Variants in PUS7 observed in about 807,000 individuals in gnomAD.
PUS7 encodes the protein pseudouridine synthase 7.
A neutral mutation model predicts 79.8 loss-of-function variants in PUS7; 48 were observed. The ratio of observed to expected loss-of-function variants is 0.60; its 90% CI spans 0.48 to 0.76. PUS7 has a LOEUF of 0.76. PUS7 is among the 30% of genes least tolerant of loss of function. The pLI is 0.00. For synonymous variants in PUS7, 286 were observed against 272.2 expected (o/e 1.05, Z -0.50); for missense variants, 729 against 797.6 (o/e 0.91, Z 1.04).
intron 1 of PUS7, among the ~76,000 whole-genome samples, chr7:105,509,146 T>C (rs1467015517): frequency 2.6e-5 from 3 of 116,272 alleles, no homozygotes; most frequent in Admixed American, 1.3e-4. Flanking sequence ...ATCGAGCCAC[T>C]GCACTCCAGC....
At chr7:105,468,284 G>A in intron 12 of PUS7, 53 bp downstream of exon 12, 1 of 1,583,906 alleles carries the variant, frequency 6.3e-7, no homozygotes, top group Non-Finnish European at 8.6e-7. Context: ...GCCACTAGTG[G>A]CAACTAACTG....
chr7:105,467,308 T>C (rs1199461941), intron 12 of PUS7, among the ~76,000 whole-genome samples: 1 of 151,096 alleles, frequency 6.6e-6, no homozygotes, highest in African/African-American at 2.4e-5. Flanking sequence ...TTTTTTTTTT[T>C]TGAGACAGTC....
intron 13 of PUS7, among the ~76,000 whole-genome samples, chr7:105,463,727 T>C (rs779235121): frequency 1.3e-5 from 2 of 152,140 alleles, no homozygotes; most frequent in Non-Finnish European, 2.9e-5. Context: ...CTTCTACTCA[T>C]TCAGTAACTA....
intron 5 of PUS7, among the ~76,000 whole-genome samples, chr7:105,499,014 C>T (rs751783075): frequency 2.0e-5 from 3 of 152,144 alleles, no homozygotes; most frequent in Admixed American, 6.5e-5. Flanking sequence ...TAATTATGTT[C>T]GCTTCTTCTC....
intron 7 of PUS7, among the ~76,000 whole-genome samples, chr7:105,483,548 A>G (rs992986412): frequency 6.6e-6 from 1 of 150,890 alleles, no homozygotes; most frequent in African/African-American, 2.4e-5. Flanking sequence ...ATCCACCCAC[A>G]TTGGCCTCGC....
At chr7:105,459,937 A>G (rs1034161862) in intron 14 of PUS7, among the ~76,000 whole-genome samples, 1 of 151,810 alleles carries the variant, frequency 6.6e-6, no homozygotes, top group Admixed American at 6.6e-5. Context: ...AAAATGTACA[A>G]CTGACAAATC....
intron 4 of PUS7, among the ~76,000 whole-genome samples, chr7:105,503,385 T>C (rs1825331616): frequency 6.6e-6 from 1 of 152,354 alleles, no homozygotes; most frequent in Non-Finnish European, 1.5e-5. Flanking sequence ...AATTATATTC[T>C]GAATTATTTT....
rs542399934 is a variant in PUS7, at chr7:105,456,572, A to G, written c.*1218T>C. 1.3e-5 allele frequency: 2 copies of G among 152,258 alleles called. No homozygotes were observed. Among genetic ancestry groups the G allele is most frequent in the South Asian group, 2.1e-4 (1 of 4,822 alleles). 9.4% of individuals were successfully genotyped at this position (152,258 alleles called of 1,614,324 possible). A position where few individuals can be genotyped will look rare whatever the true frequency, so the allele number is the denominator to read the frequency against. On this transcript the variant is annotated 3_prime_UTR_variant, in exon 16 of 16. Coordinates refer to ENST00000469408, the MANE Select transcript of PUS7 (RefSeq NM_019042.5). ...TAGAAAGGAGATTTTAAAAATATTT[A>G]TTACATTTGTTTCTAGAAATCATAG...
At chr7:105,501,589 C>T (rs532852197) in intron 5 of PUS7, among the ~76,000 whole-genome samples, 3 of 152,160 alleles carry the variant, frequency 2.0e-5, no homozygotes, top group African/African-American at 7.2e-5. Context: ...TTATGTGTGA[C>T]TGAAGAAGAT....
At chr7:105,514,685 G>A (rs1453006187) in intron 1 of PUS7, among the ~76,000 whole-genome samples, 1 of 152,190 alleles carries the variant, frequency 6.6e-6, no homozygotes, top group African/African-American at 2.4e-5. Context: ...TAAGCCTTGA[G>A]AGAGATGTGA....
chr7:105,494,208 A>C (rs569199380), intron 6 of PUS7, among the ~76,000 whole-genome samples: 1 of 152,228 alleles, frequency 6.6e-6, no homozygotes, highest in Non-Finnish European at 1.5e-5. Context: ...GTTAATTTTT[A>C]TTTTCAACCA....
At chr7:105,504,651 AT>A (rs1825385038) in intron 4 of PUS7, among the ~76,000 whole-genome samples, 1 of 152,176 alleles carries the variant, frequency 6.6e-6, no homozygotes, top group African/African-American at 2.4e-5. Context: ...ACAATAGTAA[AT>A]TTTACCACAT....
At chr7:105,469,752 G>A (rs575091906) in intron 11 of PUS7, among the ~76,000 whole-genome samples, 7 of 152,246 alleles carry the variant, frequency 4.6e-5, no homozygotes, top group Middle Eastern at 3.4e-3. Flanking sequence ...GAGCCACTGC[G>A]CGGGCCTGTT....
chr7:105,464,019 G>A (rs983263543), intron 13 of PUS7, among the ~76,000 whole-genome samples: 1 of 152,136 alleles, frequency 6.6e-6, no homozygotes, highest in Non-Finnish European at 1.5e-5. Context: ...GCACTGTCGG[G>A]TACCAGGTAT....
intron 7 of PUS7, among the ~76,000 whole-genome samples, chr7:105,483,978 T>C (rs550138404): frequency 3.9e-5 from 6 of 152,332 alleles, no homozygotes; most frequent in African/African-American, 1.2e-4. Flanking sequence ...TGTTTCCTCA[T>C]GCTGAGACTC....
rs1194837116 is a variant in PUS7, at chr7:105,482,381, T to C, written c.980A>G (p.Asn327Ser). 2 of 1,611,920 alleles carry C rather than the reference T, an allele frequency of 1.2e-6. No homozygotes were observed. Among genetic ancestry groups the C allele is most frequent in the East Asian group, 4.5e-5 (2 of 44,856 alleles). Residue 327 changes from asparagine (N) to serine (S), a missense_variant, in exon 8 of 16, where the codon AAT becomes AGT. By Grantham distance (46) the Asn-to-Ser change is conservative (BLOSUM62 1). Coordinates refer to ENST00000469408, the MANE Select transcript of PUS7 (RefSeq NM_019042.5). The part of the protein sequence containing the change: ...NKCLMNFKLG[N>S]FSYQKNPLKL... ...CAGTGGGTTTTTTTGATAGCTGAAA[T>C]TCCCTAGCTTAAAGTTCATCAAGCA... is the stretch of plus-strand genomic sequence containing the variant.
At chr7:105,460,939 C>A (rs1183078152) in intron 14 of PUS7, among the ~76,000 whole-genome samples, 1 of 151,936 alleles carries the variant, frequency 6.6e-6, no homozygotes, top group Non-Finnish European at 1.5e-5. Context: ...GTGATCACAG[C>A]TTACTGCAGC....
chr7:105,459,700 A>G (rs954771092), intron 14 of PUS7, among the ~76,000 whole-genome samples: 2 of 152,054 alleles, frequency 1.3e-5, no homozygotes, highest in Admixed American at 6.6e-5. Flanking sequence ...AGTCTCCCCA[A>G]CTGCTGGGAT....
At chr7:105,494,990 AAAGAAAG>A (rs1562807698) in intron 6 of PUS7, 145 bp downstream of exon 6, 17 of 477,932 alleles carry the variant, frequency 3.6e-5, no homozygotes, top group African/African-American at 1.6e-4. Flanking sequence ...AAAAAAAAAA[AAAGAAAG>A]AAAGAAAGAA....
Sources: gnomAD v4.1 joint callset for allele counts (sites outside exome capture counted in the v4.1 genomes callset) on GRCh38, gnomAD v4.1.1 for gene constraint, MANE v1.5 for transcripts, NCBI Gene and HGNC (gene_info 2026-07-23, HGNC 2026-07-21) for gene names.